KIAA1328: variants seen among roughly 807,000 people sequenced by gnomAD.
The protein encoded by KIAA1328 is protein hinderin.
A neutral mutation model predicts 68.1 loss-of-function variants in KIAA1328; 52 were observed. The ratio of observed to expected loss-of-function variants is 0.76; its 90% CI spans 0.61 to 0.96. KIAA1328 has a LOEUF of 0.96. Ranked by LOEUF, KIAA1328 falls within the 40% of genes least tolerant of loss-of-function variation. KIAA1328 has a pLI of 0.00. For synonymous variants in KIAA1328, 232 were observed against 239.4 expected (o/e 0.97, Z 0.28); for missense variants, 641 against 677.6 (o/e 0.95, Z 0.60).
chr18:36,976,627 G>A lies in KIAA1328; in HGVS notation c.576+17192G>A, dbSNP rs115950514. Among the ~76,000 whole-genome samples the A allele has an allele frequency of 1.0e-3, 153 of 151,838 alleles. 2 individuals are homozygous for A. Among genetic ancestry groups the A allele is most frequent in the African/African-American group, 3.6e-3 (151 of 41,456 alleles). ...GAGAAAACAGTGTAATATTTATTAC[G>A]TTGTTTATAGATTATATTATATTAC... On this transcript the variant is annotated intron_variant, in intron 6 of 9. Coordinates refer to ENST00000280020, the MANE Select transcript of KIAA1328 (RefSeq NM_020776.3).
intron 6 of KIAA1328, among the ~76,000 whole-genome samples, chr18:37,013,214 G>A (rs959464179): frequency 2.0e-5 from 3 of 152,152 alleles, no homozygotes; most frequent in Non-Finnish European, 4.4e-5. Flanking sequence ...TTAGGAACAA[G>A]AGCTCAACTA....
chr18:36,954,227 C>T (rs1340221779), intron 5 of KIAA1328, among the ~76,000 whole-genome samples: 2 of 152,028 alleles, frequency 1.3e-5, no homozygotes, highest in African/African-American at 4.8e-5. Context: ...TGGTCTCGAT[C>T]TCCTGACCTC....
intron 6 of KIAA1328, among the ~76,000 whole-genome samples, chr18:36,992,451 CTTTTTTTTTTT>C (rs71168252): frequency 3.1e-5 from 4 of 130,114 alleles, no homozygotes; most frequent in South Asian, 2.3e-4. Flanking sequence ...TCTTTTCTTT[CTTTTTTTTTTT>C]TTTTTTTTTT....
Position 37,099,735 on chromosome 18 carries a change from C to T in KIAA1328, c.1232+32190C>T, listed in dbSNP as rs931522140. On this transcript the variant is annotated intron_variant, in intron 7 of 9. Transcript: ENST00000280020. ...AAGTCTCTTTGTAGGTCTCTAAGGA[C>T]TTGCTTTACGAATCTGGGTACTCCT... 2.0e-5 allele frequency among the ~76,000 whole-genome samples: 3 copies of T among 152,156 alleles called. No homozygotes were observed. The South Asian group carries it at 6.2e-4, about 32-fold the overall frequency.
chr18:37,213,452 T>A (rs2060358174), intron 9 of KIAA1328, among the ~76,000 whole-genome samples: 1 of 152,218 alleles, frequency 6.6e-6, no homozygotes. Context: ...TCCAGCTTCA[T>A]CCATGTCCCT....
At chr18:36,950,485 T>C (rs1031236946) in intron 5 of KIAA1328, among the ~76,000 whole-genome samples, 2 of 152,208 alleles carry the variant, frequency 1.3e-5, no homozygotes, top group Non-Finnish European at 2.9e-5. Context: ...AAACACAGTC[T>C]GCTTCAGGTG....
At chr18:36,983,626 A>G (rs1038421876) in intron 6 of KIAA1328, among the ~76,000 whole-genome samples, 1 of 152,140 alleles carries the variant, frequency 6.6e-6, no homozygotes, top group Non-Finnish European at 1.5e-5. Flanking sequence ...TTGAATTTGT[A>G]GTTAAAAAGC....
chr18:36,978,593 A>G (rs2052563447), intron 6 of KIAA1328, among the ~76,000 whole-genome samples: 1 of 152,168 alleles, frequency 6.6e-6, no homozygotes, highest in South Asian at 2.1e-4. Context: ...CTTTATATCT[A>G]GTCTCTTTAC....
chr18:37,042,519 A>ATTCTTAGTTGACAGTTTATTTTT (rs1378836007), intron 6 of KIAA1328, among the ~76,000 whole-genome samples: 2 of 152,202 alleles, frequency 1.3e-5, no homozygotes, highest in Non-Finnish European at 2.9e-5. Context: ...TGGATATAAA[A>ATTCTTAGTTGACAGTTTATTTTT]TTCTTAGTTG....
chr18:37,099,932 A>G (rs183256578), intron 7 of KIAA1328, among the ~76,000 whole-genome samples: 2 of 152,214 alleles, frequency 1.3e-5, no homozygotes, highest in African/African-American at 4.8e-5. Flanking sequence ...TGCTTGGTAG[A>G]TCTCCCTCCA....
intron 7 of KIAA1328, among the ~76,000 whole-genome samples, chr18:37,139,389 T>G (rs1268386815): frequency 2.0e-5 from 3 of 152,210 alleles, no homozygotes; most frequent in Non-Finnish European, 4.4e-5. Context: ...CTAAGCAGTA[T>G]GGTATGTGAC....
chr18:37,217,406 T>G (rs2154222891), intron 9 of KIAA1328, among the ~76,000 whole-genome samples: 1 of 152,282 alleles, frequency 6.6e-6, no homozygotes, highest in East Asian at 1.9e-4. Flanking sequence ...ATAAAGGATT[T>G]TATTTTGCCT....
chr18:36,838,178 C>T (rs1412958297), intron 3 of KIAA1328, among the ~76,000 whole-genome samples: 1 of 152,130 alleles, frequency 6.6e-6, no homozygotes, highest in Non-Finnish European at 1.5e-5. Context: ...GCAACTTTAT[C>T]AAACTATTTC....
At chr18:36,901,421 A>C (rs1009428998) in intron 5 of KIAA1328, among the ~76,000 whole-genome samples, 1 of 152,046 alleles carries the variant, frequency 6.6e-6, no homozygotes, top group African/African-American at 2.4e-5. Flanking sequence ...CATGTGCACT[A>C]TTAGCTTTTG....
intron 7 of KIAA1328, among the ~76,000 whole-genome samples, chr18:37,156,288 T>C (rs2059149706): frequency 6.6e-6 from 1 of 151,844 alleles, no homozygotes; most frequent in South Asian, 2.1e-4. Flanking sequence ...ATTACAGGCA[T>C]GGGATTGCAT....
intron 5 of KIAA1328, among the ~76,000 whole-genome samples, chr18:36,892,785 A>G (rs920749489): frequency 6.6e-6 from 1 of 152,222 alleles, no homozygotes. Context: ...ACAGAGAGAT[A>G]GGCATGCTTA....
intron 6 of KIAA1328, among the ~76,000 whole-genome samples, chr18:36,976,331 G>GAT: frequency 6.6e-6 from 1 of 152,278 alleles, no homozygotes; most frequent in East Asian, 1.9e-4. Context: ...GGGCTTGTTA[G>GAT]CTCAGGTGAG....
chr18:36,969,955 T>G (rs2052112601), intron 6 of KIAA1328, among the ~76,000 whole-genome samples: 1 of 152,214 alleles, frequency 6.6e-6, no homozygotes, highest in Non-Finnish European at 1.5e-5. Context: ...TAACTCATTT[T>G]GTGAGGCCAG....
At chr18:37,201,743 A>G (rs1439093639) in intron 9 of KIAA1328, among the ~76,000 whole-genome samples, 1 of 152,180 alleles carries the variant, frequency 6.6e-6, no homozygotes, top group Non-Finnish European at 1.5e-5. Flanking sequence ...TACATGTACA[A>G]AATAGGTGAA....
Sources: allele counts gnomAD v4.1 joint callset (sites outside exome capture counted in the v4.1 genomes callset), GRCh38; gene constraint gnomAD v4.1.1; transcripts MANE v1.5; gene names NCBI Gene and HGNC (gene_info 2026-07-23, HGNC 2026-07-21).